The following ANK3 variants were observed in gnomAD, a reference collection of about 807,000 sequenced individuals.
ANK3 encodes the protein ankyrin 3.
A neutral mutation model predicts 370.9 loss-of-function variants in ANK3; 57 were observed. The observed-to-expected ratio is 0.15, with a 90% CI of 0.12 to 0.19. The LOEUF (loss-of-function observed/expected upper bound fraction) is 0.19. ANK3 is among the 10% of genes least tolerant of loss of function. The pLI is 1.00. For synonymous variants in ANK3, 1,929 were observed against 1,946.3 expected (o/e 0.99, Z 0.23); for missense variants, 4,439 against 5,302.1 (o/e 0.84, Z 5.06).
intron 7 of ANK3, among the ~76,000 whole-genome samples, chr10:60,239,508 T>C (rs1026191737): frequency 2.0e-5 from 3 of 152,084 alleles, no homozygotes; most frequent in African/African-American, 7.2e-5. Context: ...GACTGTCAAA[T>C]AAGAATTCTA....
intron 8 of ANK3, among the ~76,000 whole-genome samples, chr10:60,231,806 C>T (rs987570654): frequency 2.0e-5 from 3 of 152,214 alleles, no homozygotes; most frequent in Non-Finnish European, 4.4e-5. Context: ...CCATTCAGGA[C>T]AACTGCAGAA....
intron 1 of ANK3, among the ~76,000 whole-genome samples, chr10:60,616,151 G>C (rs1006909554): frequency 6.6e-6 from 1 of 152,090 alleles, no homozygotes; most frequent in African/African-American, 2.4e-5. Flanking sequence ...AATTAAATCT[G>C]CAATTTCATG....
chr10:60,033,002 A>G (rs1211031625), intron 43 of ANK3, among the ~76,000 whole-genome samples: 3 of 152,222 alleles, frequency 2.0e-5, no homozygotes, highest in Admixed American at 6.5e-5. Context: ...GAAGCCATCA[A>G]GATGACATTT....
chr10:60,410,576 T>A (rs922930632), intron 2 of ANK3, among the ~76,000 whole-genome samples: 1 of 152,158 alleles, frequency 6.6e-6, no homozygotes, highest in African/African-American at 2.4e-5. Context: ...ATTTTCATGA[T>A]CCTGGGTGAA....
chr10:60,694,495 G>C (rs1326544908), intron 1 of ANK3, among the ~76,000 whole-genome samples: 5 of 152,142 alleles, frequency 3.3e-5, no homozygotes, highest in Non-Finnish European at 5.9e-5. Context: ...GGCAGCCAGA[G>C]AGAAAGGTCG....
chr10:60,568,220 A>T (rs2077509170), intron 2 of ANK3, among the ~76,000 whole-genome samples: 1 of 152,178 alleles, frequency 6.6e-6, no homozygotes, highest in South Asian at 2.1e-4. Context: ...CGAAACGAAG[A>T]GTTTGTCAAT....
At chr10:60,601,179 AC>A (rs2078057082) in intron 2 of ANK3, among the ~76,000 whole-genome samples, 1 of 151,386 alleles carries the variant, frequency 6.6e-6, no homozygotes, top group Non-Finnish European at 1.5e-5. Context: ...CAACGCACAC[AC>A]ACACACACAC....
chr10:60,567,248 T>C (rs535206517), intron 2 of ANK3, among the ~76,000 whole-genome samples: 6 of 152,284 alleles, frequency 3.9e-5, no homozygotes, highest in African/African-American at 1.4e-4. Flanking sequence ...AAGGACAGGC[T>C]GACTTTCTTG....
chr10:60,041,451 T>C (rs2076075107), intron 43 of ANK3, among the ~76,000 whole-genome samples: 1 of 152,244 alleles, frequency 6.6e-6, no homozygotes, highest in Admixed American at 6.5e-5. Context: ...TGTATCCTAG[T>C]TCTGCCACTT....
intron 1 of ANK3, among the ~76,000 whole-genome samples, chr10:60,626,731 G>A (rs1455895367): frequency 6.6e-6 from 1 of 152,136 alleles, no homozygotes; most frequent in Non-Finnish European, 1.5e-5. Flanking sequence ...AAGGTAAAAG[G>A]AGACACCTGC....
At chr10:60,409,724 T>C (rs554576429) in intron 2 of ANK3, among the ~76,000 whole-genome samples, 2 of 152,214 alleles carry the variant, frequency 1.3e-5, no homozygotes, top group South Asian at 4.2e-4. Flanking sequence ...GGATCATCTA[T>C]GTGGAATGAC....
chr10:60,483,888 G>A (rs944146798), intron 2 of ANK3, among the ~76,000 whole-genome samples: 6 of 152,070 alleles, frequency 3.9e-5, no homozygotes, highest in East Asian at 1.9e-4. Flanking sequence ...TATGACAGTC[G>A]GACAGAACAA....
At chr10:60,103,663 C>T (rs980968028) in intron 28 of ANK3, among the ~76,000 whole-genome samples, 2 of 152,142 alleles carry the variant, frequency 1.3e-5, no homozygotes, top group Non-Finnish European at 2.9e-5. Flanking sequence ...AAGTTTAATA[C>T]ATGAAGAAAA....
At chr10:60,634,467 A>G (rs1042288047) in intron 1 of ANK3, among the ~76,000 whole-genome samples, 3 of 152,140 alleles carry the variant, frequency 2.0e-5, no homozygotes, top group South Asian at 2.1e-4. Context: ...AAACGGACCA[A>G]TCGGCACTCT....
intron 1 of ANK3, among the ~76,000 whole-genome samples, chr10:60,344,689 T>C (rs1256424521): frequency 6.6e-6 from 1 of 152,212 alleles, no homozygotes; most frequent in African/African-American, 2.4e-5. Flanking sequence ...GGCTATGATA[T>C]TTTACCAAGA....
intron 1 of ANK3, among the ~76,000 whole-genome samples, chr10:60,634,303 T>C (rs1279512403): frequency 6.6e-6 from 1 of 152,146 alleles, no homozygotes; most frequent in Non-Finnish European, 1.5e-5. Flanking sequence ...TGTCAAGTAT[T>C]TGTATTTCAA....
Position 60,072,171 on chromosome 10 carries a change from C to G in ANK3, c.8710G>C (p.Glu2904Gln), listed in dbSNP as rs779062292. 9.3e-6 allele frequency: 15 copies of G among 1,613,628 alleles called. 1 individual carries two copies. The Admixed American group carries it at 2.5e-4, about 27-fold the overall frequency. The change falls in exon 37 of 44, where the codon GAA (glutamate) becomes CAA (glutamine). Residue 2904 changes from glutamate (E) to glutamine (Q), a missense_variant. By Grantham distance (29) the Glu-to-Gln change is conservative. Around this residue, in one of 13 missense-constraint regions of ANK3, gnomAD observed 1,601 missense variants for 1,731.7 expected, o/e 0.92. Transcript: ENST00000280772. ...GAGCCGTTTGTTAACAATTTGCGTT[C>G]TCTCTCAGTCACAGACATAAATTCA... ...KNEFMSVTER[E>Q]RKLLTNGSLS...
At chr10:60,285,023 C>T (rs777205667) in intron 1 of ANK3, among the ~76,000 whole-genome samples, 29 of 152,154 alleles carry the variant, frequency 1.9e-4, no homozygotes, top group Non-Finnish European at 3.1e-4. Flanking sequence ...CTTTTCTACC[C>T]AGCACCCCCT....
At chr10:60,285,776 T>A (rs2098235386) in intron 1 of ANK3, among the ~76,000 whole-genome samples, 1 of 152,080 alleles carries the variant, frequency 6.6e-6, no homozygotes. Context: ...AAAACAGAAG[T>A]GTGCTGAGAT....
Sources: gnomAD v4.1 joint callset for allele counts (sites outside exome capture counted in the v4.1 genomes callset) on GRCh38, gnomAD v4.1.1 for gene constraint, gnomAD v4.1.1 regional missense constraint, MANE v1.5 for transcripts, NCBI Gene and HGNC (gene_info 2026-07-23, HGNC 2026-07-21) for gene names.